Variants in TFB2M observed in about 807,000 individuals in gnomAD.
TFB2M encodes dimethyladenosine transferase 2, mitochondrial.
Under a neutral mutation model 41.3 loss-of-function variants are expected in TFB2M, and 44 were observed. The observed-to-expected ratio is 1.07, with a 90% CI of 0.84 to 1.37. The LOEUF (loss-of-function observed/expected upper bound fraction) is 1.37, where lower values mean the gene tolerates loss of function less well. Among genes scored for constraint, TFB2M ranks in the 40% most tolerant of loss-of-function variants. The probability of loss-of-function intolerance (pLI) is 0.00; values close to 1 mark genes in which losing one functional copy is unlikely to be tolerated. For synonymous variants in TFB2M, 188 were observed against 176.8 expected (o/e 1.06, Z -0.50); for missense variants, 496 against 490.2 (o/e 1.01, Z -0.11).
chr1:246,549,469 C>T (rs186125608), intron 5 of TFB2M, among the ~76,000 whole-genome samples: 1 of 152,200 alleles, frequency 6.6e-6, no homozygotes, highest in African/African-American at 2.4e-5. Flanking sequence ...GCAGTCCCAG[C>T]TCTTTGGGAG....
At chr1:246,562,585 GGTCA>G (rs756500337) in intron 2 of TFB2M, among the ~76,000 whole-genome samples, 4 of 152,222 alleles carry the variant, frequency 2.6e-5, no homozygotes, top group East Asian at 1.9e-4. Context: ...ACGAAGATGA[GGTCA>G]GTCTATAAAA....
At chr1:246,555,312 G>A (rs898242240) in intron 4 of TFB2M, among the ~76,000 whole-genome samples, 1 of 152,172 alleles carries the variant, frequency 6.6e-6, no homozygotes, top group Admixed American at 6.5e-5. Context: ...AATAGACTGG[G>A]TACAGTGGCT....
At position 246,551,371 on chromosome 1, in the gene TFB2M, T is replaced by C. The variant is rs1659177558; in HGVS notation, c.706-69A>G. ...ATCAATTAAAAACAAATGCTGACTC[T>C]TAATAGGACTATCTTAATGGCATCT... On this transcript the variant is annotated intron_variant, in intron 4 of 7. Transcript: ENST00000366514. 4.7e-6 allele frequency: 5 copies of C among 1,060,348 alleles called. No individual in the cohort carries two copies. In the South Asian group the frequency reaches 6.5e-5, roughly 14 times the overall value. The allele number at this position is 1,060,348 out of a possible 1,614,324, so 65.7% of individuals were successfully genotyped here.
At chr1:246,560,645 A>C (rs1332219432) in intron 2 of TFB2M, among the ~76,000 whole-genome samples, 1 of 152,270 alleles carries the variant, frequency 6.6e-6, no homozygotes, top group Non-Finnish European at 1.5e-5. Flanking sequence ...AACAATTCAA[A>C]CATGATAATA....
intron 7 of TFB2M, among the ~76,000 whole-genome samples, chr1:246,541,697 G>T (rs1013286176): frequency 1.3e-5 from 2 of 152,038 alleles, no homozygotes; most frequent in East Asian, 3.8e-4. Context: ...AATCACTGCC[G>T]TTTGAAAAAA....
intron 4 of TFB2M, among the ~76,000 whole-genome samples, 164 bp from the exon 5 acceptor site, chr1:246,551,466 C>CA (rs1230322984): frequency 2.6e-5 from 4 of 152,304 alleles, no homozygotes; most frequent in Admixed American, 2.0e-4. Context: ...CCTGTAGTCC[C>CA]AGCTACTCGA....
chr1:246,548,970 T>C (rs1440925577), intron 5 of TFB2M, among the ~76,000 whole-genome samples: 1 of 152,258 alleles, frequency 6.6e-6, no homozygotes, highest in Non-Finnish European at 1.5e-5. Flanking sequence ...CTTTTTGCCC[T>C]ACTTCAGTGG....
chr1:246,564,163 T>C (rs747171560), intron 2 of TFB2M, among the ~76,000 whole-genome samples, 183 bp downstream of exon 2: 18 of 152,224 alleles, frequency 1.2e-4, no homozygotes, highest in Non-Finnish European at 2.5e-4. Flanking sequence ...CTCCTCATGT[T>C]TCAGCCATTC....
chr1:246,543,976 C>T (rs1465875542), intron 7 of TFB2M, among the ~76,000 whole-genome samples: 3 of 152,070 alleles, frequency 2.0e-5, no homozygotes, highest in South Asian at 2.1e-4. Context: ...GACAACACAG[C>T]GAGACCCTGT....
intron 5 of TFB2M, 72 bp from the exon 6 acceptor site, chr1:246,548,679 C>A: frequency 7.2e-7 from 1 of 1,388,542 alleles, no homozygotes; most frequent in South Asian, 1.2e-5. Context: ...TTATTACTTC[C>A]TTAAAAAACA....
chr1:246,543,801 A>ATATAAATATAAAAATTTTATATTTT (rs542341189), intron 7 of TFB2M, among the ~76,000 whole-genome samples: 3,032 of 152,036 alleles, frequency 0.02, 84 homozygotes, highest in African/African-American at 0.068. Context: ...TAAACACAAA[A>ATATAAATATAAAAATTTTATATTTT]TATAAATATA....
Position 246,545,560 on chromosome 1 carries a change from G to A in TFB2M, c.859-879C>T, listed in dbSNP as rs549343023. Among the ~76,000 whole-genome samples the A allele has an allele frequency of 2.6e-5, 4 of 151,348 alleles. No homozygotes were observed. The South Asian group carries it at 8.4e-4, about 32-fold the overall frequency. ...TTGCTTAATGTTTGCTATGAAGGAG[G>A]AGGATTCATTGGGAGGCTGAGGTGG... On this transcript the variant is annotated intron_variant, in intron 6 of 7. Coordinates refer to ENST00000366514, the MANE Select transcript of TFB2M (RefSeq NM_022366.3).
chr1:246,542,536 A>G lies in TFB2M; in HGVS notation c.1020-1334T>C, dbSNP rs535980880. Among the ~76,000 whole-genome samples the G allele has an allele frequency of 4.6e-5, 7 of 152,046 alleles. No individual in the cohort carries two copies. In the East Asian group the frequency reaches 1.2e-3, roughly 25 times the overall value. ...AAATCGTAAAAAGTTAGCTGGGCAT[A>G]GTGGTGGGCATAGTAGTCCCAGCTA... On this transcript the variant is annotated intron_variant, in intron 7 of 7. Coordinates refer to ENST00000366514, the MANE Select transcript of TFB2M (RefSeq NM_022366.3).
intron 5 of TFB2M, 70 bp from the exon 6 acceptor site, chr1:246,548,677 T>C: frequency 6.9e-7 from 1 of 1,452,086 alleles, no homozygotes; most frequent in Non-Finnish European, 9.5e-7. Context: ...AGTTATTACT[T>C]CCTTAAAAAA....
chr1:246,556,531 T>C (rs758336114), intron 4 of TFB2M, 42 bp downstream of exon 4: 51 of 1,385,262 alleles, frequency 3.7e-5, no homozygotes, highest in Non-Finnish European at 2.9e-6. Context: ...AGAGAAAAAT[T>C]ACAGACTCAG....
At chr1:246,558,353 C>T (rs1659377706) in intron 2 of TFB2M, among the ~76,000 whole-genome samples, 1 of 151,796 alleles carries the variant, frequency 6.6e-6, no homozygotes, top group Admixed American at 6.6e-5. Flanking sequence ...TGCCATGTTG[C>T]CCAGGTTGGT....
In TFB2M at chr1:246,541,010, C is replaced by G. The variant is rs1658837662; in HGVS notation, c.*21G>C. Reference sequence around the variant, plus strand: ...GTTTCCAAATAAATGAACCGCTCCACCAAAAACGACAGTCTAGTTGCTACC... The same window carrying G: ...GTTTCCAAATAAATGAACCGCTCCAGCAAAAACGACAGTCTAGTTGCTACC... On this transcript the variant is annotated 3_prime_UTR_variant, in exon 8 of 8. Coordinates refer to ENST00000366514, the MANE Select transcript of TFB2M (RefSeq NM_022366.3). The G allele has an allele frequency of 6.3e-7, 1 of 1,579,866 alleles. No homozygotes were observed. Among genetic ancestry groups the G allele is most frequent in the African/African-American group, 1.4e-5 (1 of 73,334 alleles).
At chr1:246,542,619 C>T (rs918885505) in intron 7 of TFB2M, among the ~76,000 whole-genome samples, 4 of 152,122 alleles carry the variant, frequency 2.6e-5, no homozygotes, top group African/African-American at 9.7e-5. Flanking sequence ...TTGCAGTGAG[C>T]TATGATTGTG....
At chr1:246,544,319 TAAATG>T (rs1658939852) in intron 7 of TFB2M, among the ~76,000 whole-genome samples, 197 bp downstream of exon 7, 1 of 152,068 alleles carries the variant, frequency 6.6e-6, no homozygotes, top group Non-Finnish European at 1.5e-5. Flanking sequence ...GAAGGAAAAA[TAAATG>T]AAACTCAATG....
Sources: gnomAD v4.1 joint callset for allele counts (sites outside exome capture counted in the v4.1 genomes callset) on GRCh38, gnomAD v4.1.1 for gene constraint, MANE v1.5 for transcripts, NCBI Gene and HGNC (gene_info 2026-07-23, HGNC 2026-07-21) for gene names.